The following FGF12 variants were observed in gnomAD, a reference collection of about 807,000 sequenced individuals.
FGF12 encodes the protein fibroblast growth factor 12B.
FGF12 carries 14 observed loss-of-function variants against 23.6 expected under a neutral mutation model. That is an observed-to-expected ratio of 0.59 (90% CI 0.39 to 0.93). The LOEUF is 0.93. FGF12 is among the 40% of genes least tolerant of loss of function. The probability of loss-of-function intolerance (pLI) is 0.00; values close to 1 mark genes in which losing one functional copy is unlikely to be tolerated. For synonymous variants in FGF12, 62 were observed against 77.3 expected (o/e 0.80, Z 1.04); for missense variants, 175 against 217.8 (o/e 0.80, Z 1.24).
At chr3:192,274,618 A>G (rs949466384) in intron 4 of FGF12, among the ~76,000 whole-genome samples, 1 of 151,932 alleles carries the variant, frequency 6.6e-6, no homozygotes, top group South Asian at 2.1e-4. Flanking sequence ...AATATAGAAG[A>G]AATGGTTTCT....
chr3:192,191,604 G>A (rs1246957530), intron 4 of FGF12, among the ~76,000 whole-genome samples: 1 of 152,188 alleles, frequency 6.6e-6, no homozygotes, highest in African/African-American at 2.4e-5. Context: ...GGGAGGCTGA[G>A]GTGGGAGGAT....
intron 2 of FGF12, among the ~76,000 whole-genome samples, chr3:192,590,039 T>G (rs1490582294): frequency 2.0e-5 from 3 of 151,780 alleles, no homozygotes; most frequent in African/African-American, 7.2e-5. Flanking sequence ...TTTTTTTAAT[T>G]GCTCAAGGGC....
chr3:192,399,689 A>G (rs1006707225), intron 2 of FGF12, among the ~76,000 whole-genome samples: 7 of 152,228 alleles, frequency 4.6e-5, no homozygotes, highest in African/African-American at 1.7e-4. Context: ...GGTGTTTGGC[A>G]TTAGTACGTT....
At chr3:192,567,247 C>T (rs959185591) in intron 2 of FGF12, among the ~76,000 whole-genome samples, 1 of 151,960 alleles carries the variant, frequency 6.6e-6, no homozygotes, top group African/African-American at 2.4e-5. Context: ...AATGGGAATA[C>T]TCTACCTTCA....
chr3:192,342,907 A>G (rs1276729654), intron 3 of FGF12, among the ~76,000 whole-genome samples: 1 of 152,196 alleles, frequency 6.6e-6, no homozygotes, highest in African/African-American at 2.4e-5. Context: ...TCCAGTAAGA[A>G]AAAGGTAACA....
intron 2 of FGF12, among the ~76,000 whole-genome samples, chr3:192,377,000 T>A (rs1576925833): frequency 6.6e-6 from 1 of 152,306 alleles, no homozygotes; most frequent in South Asian, 2.1e-4. Flanking sequence ...TAGAGAGAAG[T>A]TCTTACGTTA....
intron 2 of FGF12, among the ~76,000 whole-genome samples, chr3:192,377,752 C>T (rs1038451379): frequency 6.6e-6 from 1 of 152,168 alleles, no homozygotes; most frequent in African/African-American, 2.4e-5. Context: ...ATGCAAGGAG[C>T]TTGGGATACA....
Position 192,353,433 on chromosome 3 carries a change from G to A in FGF12, c.124+6995C>T, listed in dbSNP as rs571435490. Among the ~76,000 whole-genome samples the A allele has an allele frequency of 2.1e-4, 28 of 135,112 alleles. No individual in the cohort carries two copies. In the East Asian group the frequency reaches 5.6e-3, roughly 27 times the overall value. The allele number at this position is 135,112 out of a possible 152,430, so 88.6% of individuals were successfully genotyped here. A position where few individuals can be genotyped will look rare whatever the true frequency, so the allele number is the denominator to read the frequency against. ...CACCCAGGCTGGAGTGCAGTGGCAC[G>A]ATCCCAGCTCACTGCAACCTCTGCC... On this transcript the variant is annotated intron_variant, in intron 3 of 5. Coordinates refer to ENST00000445105, the MANE Select transcript of FGF12 (RefSeq NM_004113.6).
chr3:192,260,427 T>C (rs923057755), intron 4 of FGF12, among the ~76,000 whole-genome samples: 2 of 152,184 alleles, frequency 1.3e-5, no homozygotes, highest in Non-Finnish European at 2.9e-5. Flanking sequence ...ATTCTGTTCA[T>C]CCCCAACTTG....
intron 4 of FGF12, among the ~76,000 whole-genome samples, chr3:192,280,866 A>G (rs1459700644): frequency 1.3e-5 from 2 of 152,184 alleles, no homozygotes; most frequent in Non-Finnish European, 2.9e-5. Context: ...TCTTAGATAT[A>G]TTTCCACAGA....
At chr3:192,606,837 A>G (rs1714356424) in intron 2 of FGF12, among the ~76,000 whole-genome samples, 2 of 152,216 alleles carry the variant, frequency 1.3e-5, no homozygotes, top group African/African-American at 4.8e-5. Context: ...CCACACCTCC[A>G]GTAAACTTCA....
chr3:192,631,793 T>C (rs532763949), intron 2 of FGF12, among the ~76,000 whole-genome samples: 1 of 152,324 alleles, frequency 6.6e-6, no homozygotes, highest in South Asian at 2.1e-4. Flanking sequence ...ATATGTGATA[T>C]ACTATAAACC....
At chr3:192,611,552 G>A (rs374341458) in intron 2 of FGF12, among the ~76,000 whole-genome samples, 18 of 152,006 alleles carry the variant, frequency 1.2e-4, no homozygotes, top group Middle Eastern at 3.4e-3. Context: ...AAAGTGCACC[G>A]TCAGGCAATG....
intron 2 of FGF12, among the ~76,000 whole-genome samples, chr3:192,644,055 A>T (rs548935341): frequency 6.6e-6 from 1 of 152,318 alleles, no homozygotes; most frequent in African/African-American, 2.4e-5. Flanking sequence ...AAAAAGATAA[A>T]GCGACTTACG....
At chr3:192,345,828 C>T (rs918235426) in intron 3 of FGF12, among the ~76,000 whole-genome samples, 7 of 152,116 alleles carry the variant, frequency 4.6e-5, no homozygotes, top group Middle Eastern at 3.2e-3. Flanking sequence ...AACCATCCTG[C>T]TCAAAAGGTA....
intron 5 of FGF12, among the ~76,000 whole-genome samples, chr3:192,157,935 GTT>G (rs1714516664): frequency 6.6e-6 from 1 of 152,118 alleles, no homozygotes; most frequent in South Asian, 2.1e-4. Flanking sequence ...TTAGTGGCCT[GTT>G]TTGCAGCTGA....
chr3:192,374,566 GCAGAAAA>G (rs1309839603), intron 2 of FGF12, among the ~76,000 whole-genome samples: 5 of 152,176 alleles, frequency 3.3e-5, no homozygotes, highest in Non-Finnish European at 7.4e-5. Context: ...TTTCAAACAT[GCAGAAAA>G]CAGAAAACTA....
At chr3:192,609,305 G>C (rs1158979780) in intron 2 of FGF12, among the ~76,000 whole-genome samples, 2 of 152,014 alleles carry the variant, frequency 1.3e-5, no homozygotes, top group Non-Finnish European at 2.9e-5. Flanking sequence ...TCATAAACGG[G>C]GGGTGAAGCG....
chr3:192,250,232 T>C (rs1227295346), intron 4 of FGF12, among the ~76,000 whole-genome samples: 1 of 152,142 alleles, frequency 6.6e-6, no homozygotes, highest in African/African-American at 2.4e-5. Flanking sequence ...TTGAATTTGG[T>C]TCTCTGGCCC....
Sources: gnomAD v4.1 joint callset for allele counts (sites outside exome capture counted in the v4.1 genomes callset) on GRCh38, gnomAD v4.1.1 for gene constraint, MANE v1.5 for transcripts, NCBI Gene and HGNC (gene_info 2026-07-23, HGNC 2026-07-21) for gene names.